The following RBM47 variants were observed in gnomAD, a reference collection of about 807,000 sequenced individuals.
RBM47 encodes RNA binding motif protein 47.
RBM47 carries 21 observed loss-of-function variants against 47.1 expected under a neutral mutation model. The ratio of observed to expected loss-of-function variants is 0.45; its 90% CI spans 0.32 to 0.64. RBM47 has a LOEUF of 0.64. Ranked by LOEUF, RBM47 falls within the 30% of genes least tolerant of loss-of-function variation. The pLI, the probability that RBM47 is intolerant of heterozygous loss-of-function variation, is 0.05. For synonymous variants in RBM47, 375 were observed against 361.7 expected (o/e 1.04, Z -0.42); for missense variants, 708 against 870.9 (o/e 0.81, Z 2.35).
intron 2 of RBM47, among the ~76,000 whole-genome samples, chr4:40,492,808 C>A (rs917038502): frequency 1.3e-5 from 2 of 151,920 alleles, no homozygotes; most frequent in African/African-American, 4.8e-5. Context: ...CGCGCACACA[C>A]GAGTGTGCAG....
At chr4:40,466,786 A>C (rs962654160) in intron 2 of RBM47, 87 bp from the exon 3 acceptor site, 2 of 104,336 alleles carry the variant, frequency 1.9e-5, no homozygotes, top group African/African-American at 6.8e-5. Context: ...GGGGGGGGGC[A>C]GATCCTCTTG....
chr4:40,469,125 T>A (rs557375208), intron 2 of RBM47, among the ~76,000 whole-genome samples: 27 of 152,342 alleles, frequency 1.8e-4, no homozygotes, highest in African/African-American at 6.5e-4. Context: ...CGACATATAT[T>A]ATTTGTGCAG....
At chr4:40,595,623 C>G (rs1201975051) in intron 1 of RBM47, among the ~76,000 whole-genome samples, 7 of 152,160 alleles carry the variant, frequency 4.6e-5, no homozygotes, top group Non-Finnish European at 8.8e-5. Flanking sequence ...TGCTGTGGCT[C>G]ATGCCTGTAA....
chr4:40,622,180 A>C (rs893171958), intron 1 of RBM47, among the ~76,000 whole-genome samples: 1 of 152,224 alleles, frequency 6.6e-6, no homozygotes, highest in Non-Finnish European at 1.5e-5. Flanking sequence ...AGAGACAGAT[A>C]ATAGGTCACA....
chr4:40,528,772 AAG>A (rs1291802475), intron 2 of RBM47, among the ~76,000 whole-genome samples: 3 of 151,094 alleles, frequency 2.0e-5, no homozygotes, highest in African/African-American at 7.3e-5. Context: ...CTGTTTCAAA[AAG>A]AAAAAAACAA....
At chr4:40,589,951 A>T (rs1189007250) in intron 1 of RBM47, among the ~76,000 whole-genome samples, 3 of 151,998 alleles carry the variant, frequency 2.0e-5, no homozygotes, top group Non-Finnish European at 4.4e-5. Flanking sequence ...TGAGCCCAAC[A>T]ATCTTTCACT....
In RBM47 at chr4:40,436,630, G is replaced by C. The variant is rs757425914; in HGVS notation, c.1141C>G (p.Arg381Gly). 3.1e-6 allele frequency: 5 copies of C among 1,613,892 alleles called. No homozygotes were observed. Among genetic ancestry groups the C allele is most frequent in the Non-Finnish European group, 4.2e-6 (5 of 1,179,954 alleles). Residue 381 changes from arginine (R) to glycine (G), a missense_variant, in exon 5 of 7, where the codon CGA (arginine) becomes GGA (glycine). Arg to Gly is a moderately radical substitution (Grantham distance 125, BLOSUM62 -2). Transcript: ENST00000295971. ...YFVKAGSIRG[R>G]GRGAAGNRAP... ...CTGTTGCCAGCTGCACCTCGCCCTC[G>C]GCCTCTTATGCTGCCTGCTTGTAAT...
At chr4:40,478,371 T>C (rs978889577) in intron 2 of RBM47, among the ~76,000 whole-genome samples, 1 of 152,136 alleles carries the variant, frequency 6.6e-6, no homozygotes, top group African/African-American at 2.4e-5. Flanking sequence ...CCTGGAGGAG[T>C]GATCCTTTGT....
At chr4:40,531,746 T>C (rs1727408849) in intron 2 of RBM47, among the ~76,000 whole-genome samples, 1 of 152,204 alleles carries the variant, frequency 6.6e-6, no homozygotes, top group South Asian at 2.1e-4. Context: ...CAACCACAGA[T>C]GACATTTTGA....
At chr4:40,526,904 A>G (rs1726777765) in intron 2 of RBM47, among the ~76,000 whole-genome samples, 2 of 148,918 alleles carry the variant, frequency 1.3e-5, no homozygotes, top group South Asian at 4.2e-4. Flanking sequence ...CCTGACTTAG[A>G]GCAATGGAAA....
At chr4:40,568,715 G>C (rs2154268051) in intron 1 of RBM47, among the ~76,000 whole-genome samples, 1 of 151,878 alleles carries the variant, frequency 6.6e-6, no homozygotes, top group Admixed American at 6.6e-5. Flanking sequence ...CACAGTAGAA[G>C]GTCTTAATAG....
At chr4:40,437,171 T>TAATACATATATATATAA (rs1712765641) in intron 4 of RBM47, among the ~76,000 whole-genome samples, 1 of 92,362 alleles carries the variant, frequency 1.1e-5, no homozygotes, top group Non-Finnish European at 2.0e-5. Context: ...TATATATATA[T>TAATACATATATATATAA]AATACATATA....
intron 2 of RBM47, among the ~76,000 whole-genome samples, chr4:40,492,253 C>T (rs1360150017): frequency 6.6e-6 from 1 of 151,972 alleles, no homozygotes; most frequent in Non-Finnish European, 1.5e-5. Context: ...GCCTGTAGTC[C>T]CAGCTACTTC....
At chr4:40,585,847 C>T (rs563750272) in intron 1 of RBM47, among the ~76,000 whole-genome samples, 1 of 152,326 alleles carries the variant, frequency 6.6e-6, no homozygotes, top group East Asian at 1.9e-4. Context: ...AAACAGCAAG[C>T]ACTCTAGACC....
chr4:40,498,690 A>T (rs2154249454), intron 2 of RBM47, among the ~76,000 whole-genome samples: 1 of 151,804 alleles, frequency 6.6e-6, no homozygotes, highest in East Asian at 1.9e-4. Context: ...AAAAAAAAAA[A>T]AAATTGTTAA....
chr4:40,492,363 C>CA (rs1286393093), intron 2 of RBM47, among the ~76,000 whole-genome samples: 2 of 151,162 alleles, frequency 1.3e-5, no homozygotes, highest in African/African-American at 2.4e-5. Flanking sequence ...ACCCTGTGTC[C>CA]AAAAAAAAGT....
At chr4:40,619,258 G>A (rs780066564) in intron 1 of RBM47, among the ~76,000 whole-genome samples, 1 of 152,094 alleles carries the variant, frequency 6.6e-6, no homozygotes, top group African/African-American at 2.4e-5. Flanking sequence ...GTGAGACCCT[G>A]TCTCTACAAA....
chr4:40,484,131 T>C (rs76829290), intron 2 of RBM47, among the ~76,000 whole-genome samples: 49 of 152,300 alleles, frequency 3.2e-4, no homozygotes, highest in African/African-American at 1.2e-3. Flanking sequence ...AAACTTTATG[T>C]AGGGTACAAT....
At chr4:40,617,114 G>A (rs1237839633) in intron 1 of RBM47, among the ~76,000 whole-genome samples, 2 of 151,788 alleles carry the variant, frequency 1.3e-5, no homozygotes, top group African/African-American at 4.8e-5. Context: ...GACCTCAGGT[G>A]ATCCACCCGC....
Sources: gnomAD v4.1 joint callset for allele counts (sites outside exome capture counted in the v4.1 genomes callset) on GRCh38, gnomAD v4.1.1 for gene constraint, MANE v1.5 for transcripts, NCBI Gene and HGNC (gene_info 2026-07-23, HGNC 2026-07-21) for gene names.